Variants in RNF175 observed in about 807,000 individuals in gnomAD.
The protein encoded by RNF175 is ring finger protein 175.
A neutral mutation model predicts 50.0 loss-of-function variants in RNF175; 38 were observed. That is an observed-to-expected ratio of 0.76 (90% CI 0.59 to 1.00). The LOEUF (loss-of-function observed/expected upper bound fraction) is 1.00. Among genes scored for constraint, RNF175 ranks in the 50% least tolerant of loss-of-function variants. The pLI, the probability that RNF175 is intolerant of heterozygous loss-of-function variation, is 0.00. For synonymous variants in RNF175, 155 were observed against 146.1 expected, an observed-to-expected ratio of 1.06 and a Z score of -0.44; for missense variants, 388 against 409.6, an observed-to-expected ratio of 0.95 and a Z score of 0.46.
At chr4:153,733,038 A>G (rs1739130839) in intron 3 of RNF175, among the ~76,000 whole-genome samples, 1 of 152,138 alleles carries the variant, frequency 6.6e-6, no homozygotes, top group Admixed American at 6.5e-5. Context: ...TTCTAAATAA[A>G]CCATTTCTTT....
chr4:153,728,301 A>C lies in RNF175; in HGVS notation c.307T>G (p.Trp103Gly), dbSNP rs1487306607. The C allele has an allele frequency of 1.9e-6, 3 of 1,613,636 alleles. No individual in the cohort carries two copies. The highest frequency in any genetic ancestry group is 1.7e-6 in the Non-Finnish European group (2 of 1,179,518). ...ATCCCCCACATAGACAGAAACCGCC[A>C]CCAGTATAATTTTATCGTGAAATAT... ...PLYFTIKLYW[W>G]RFLSMWGMFS... The change falls in exon 4 of 9, where the codon TGG (tryptophan) becomes GGG (glycine). Residue 103 changes from tryptophan (W) to glycine (G), a missense_variant. Transcript: ENST00000347063.
At chr4:153,744,001 GAGCCAGTGTGTAAGTGCCA>G (rs1213565969) in intron 3 of RNF175, among the ~76,000 whole-genome samples, 1 of 152,182 alleles carries the variant, frequency 6.6e-6, no homozygotes. Flanking sequence ...TGGCCAGGTA[GAGCCAGTGTGTAAGTGCCA>G]CACTTACACT....
chr4:153,712,762 G>A (rs192022507), intron 7 of RNF175, among the ~76,000 whole-genome samples, 186 bp from the exon 8 acceptor site: 2 of 152,184 alleles, frequency 1.3e-5, no homozygotes. Context: ...AGCTGCCTTC[G>A]CTTTATGACC....
At chr4:153,729,025 GGT>G (rs1244521973) in intron 3 of RNF175, among the ~76,000 whole-genome samples, 3 of 152,192 alleles carry the variant, frequency 2.0e-5, no homozygotes, top group Non-Finnish European at 4.4e-5. Flanking sequence ...CATTCCCATA[GGT>G]CAGGGAGCAG....
intron 1 of RNF175, among the ~76,000 whole-genome samples, chr4:153,753,410 G>A (rs1053076847): frequency 1.3e-5 from 2 of 152,180 alleles, no homozygotes; most frequent in African/African-American, 2.4e-5. Context: ...GCCCTCATCT[G>A]AGTCTAGAGA....
chr4:153,742,222 C>T (rs971664084), intron 3 of RNF175, among the ~76,000 whole-genome samples: 1 of 138,340 alleles, frequency 7.2e-6, no homozygotes, highest in Non-Finnish European at 1.5e-5. Flanking sequence ...TGCAGTGAGC[C>T]GAGATCATGC....
chr4:153,740,817 TG>T (rs1260021758), intron 3 of RNF175, among the ~76,000 whole-genome samples: 1 of 152,218 alleles, frequency 6.6e-6, no homozygotes, highest in African/African-American at 2.4e-5. Context: ...CATGATGTAT[TG>T]AGTAATAGAA....
intron 1 of RNF175, among the ~76,000 whole-genome samples, chr4:153,758,311 G>A (rs1005814310): frequency 1.3e-5 from 2 of 152,212 alleles, no homozygotes; most frequent in African/African-American, 4.8e-5. Context: ...TGGGTCTGGC[G>A]TGGGAACTGA....
chr4:153,731,685 G>GAGGGAGGAAGGA (rs369868649), intron 3 of RNF175, among the ~76,000 whole-genome samples: 2 of 148,470 alleles, frequency 1.3e-5, no homozygotes, highest in East Asian at 4.0e-4. Context: ...GGGAGGGAGG[G>GAGGGAGGAAGGA]AGGAAGGAAG....
intron 1 of RNF175, among the ~76,000 whole-genome samples, chr4:153,756,917 C>T (rs945168782): frequency 6.6e-6 from 1 of 152,198 alleles, no homozygotes; most frequent in Non-Finnish European, 1.5e-5. Context: ...CTCTGAGGCC[C>T]TTGCCTTCGC....
Position 153,710,285 on chromosome 4 carries a change from C to A in RNF175, c.*84G>T. 1 of 1,081,032 alleles carries A rather than the reference C, an allele frequency of 9.3e-7. No homozygotes were observed. The highest frequency in any genetic ancestry group is 1.3e-6 in the Non-Finnish European group (1 of 785,702). The allele number at this position is 1,081,032 out of a possible 1,614,324, so 67.0% of individuals were successfully genotyped here. A position where few individuals can be genotyped will look rare whatever the true frequency, so the allele number is the denominator to read the frequency against. Reference sequence around the variant, plus strand: ...ACTTAGTTTTCTAAACACTTGGGATCATCTCTAAAATTAAAAAAATTAATA... The same window carrying A: ...ACTTAGTTTTCTAAACACTTGGGATAATCTCTAAAATTAAAAAAATTAATA... On this transcript the variant is annotated 3_prime_UTR_variant, in exon 9 of 9. Coordinates refer to ENST00000347063, the MANE Select transcript of RNF175 (RefSeq NM_173662.4).
intron 3 of RNF175, among the ~76,000 whole-genome samples, chr4:153,731,338 C>G (rs916417203): frequency 6.6e-6 from 1 of 152,042 alleles, no homozygotes; most frequent in African/African-American, 2.4e-5. Flanking sequence ...AAGAAGGAAG[C>G]CTGGCATCTG....
At chr4:153,734,017 G>GT (rs1045457569) in intron 3 of RNF175, among the ~76,000 whole-genome samples, 9 of 152,126 alleles carry the variant, frequency 5.9e-5, no homozygotes, top group African/African-American at 2.2e-4. Flanking sequence ...GTTCATCCAT[G>GT]TTTTTTCATG....
chr4:153,717,049 G>C (rs527535204), intron 6 of RNF175, among the ~76,000 whole-genome samples: 89 of 152,252 alleles, frequency 5.8e-4, no homozygotes, highest in African/African-American at 2.0e-3. Context: ...TATAAATTAT[G>C]TGGAATTCTT....
At chr4:153,710,618 A>G (rs1737504798) in intron 8 of RNF175, 129 bp from the exon 9 acceptor site, 4 of 857,128 alleles carry the variant, frequency 4.7e-6, no homozygotes, top group Non-Finnish European at 7.2e-6. Flanking sequence ...TATGTGCTCA[A>G]TTAAAAGCCC....
At chr4:153,759,685 C>A (rs1382432744) in intron 1 of RNF175, 112 bp downstream of exon 1, 12 of 672,410 alleles carry the variant, frequency 1.8e-5, no homozygotes, top group Non-Finnish European at 2.5e-5. Context: ...GGCCGGTTCT[C>A]CCCGGTGGGG....
chr4:153,738,445 A>C (rs1291069097), intron 3 of RNF175, among the ~76,000 whole-genome samples: 6 of 151,764 alleles, frequency 4.0e-5, no homozygotes, highest in Non-Finnish European at 8.8e-5. Context: ...TTGGGCTCTC[A>C]AAGTGCTGGA....
chr4:153,748,649 T>C lies in RNF175; in HGVS notation c.242A>G (p.Tyr81Cys). The change falls in exon 3 of 9, where the codon TAC becomes TGC. Residue 81 changes from tyrosine to cysteine, a missense_variant. Coordinates refer to ENST00000347063, the MANE Select transcript of RNF175 (RefSeq NM_173662.4). ...VQWRQRHGRS[Y>C]NLVTLLQMWV... ...GCAGCCACGGGGATGACTCACATTG[T>C]AGGATCGGCCATGCCTCTGTCTCCA... 6.3e-7 allele frequency: 1 copy of C among 1,588,152 alleles called. No individual in the cohort carries two copies. The highest frequency in any genetic ancestry group is 8.6e-7 in the Non-Finnish European group (1 of 1,166,828).
intron 5 of RNF175, among the ~76,000 whole-genome samples, chr4:153,722,494 G>A (rs1263780107): frequency 6.6e-6 from 1 of 151,478 alleles, no homozygotes; most frequent in Non-Finnish European, 1.5e-5. Context: ...TTTTTGAGAC[G>A]AGGTCTGGCC....
Sources: gnomAD v4.1 joint callset for allele counts (sites outside exome capture counted in the v4.1 genomes callset) on GRCh38, gnomAD v4.1.1 for gene constraint, MANE v1.5 for transcripts, NCBI Gene and HGNC (gene_info 2026-07-23, HGNC 2026-07-21) for gene names.